The following TBX15 variants were observed in gnomAD, a reference collection of about 807,000 sequenced individuals.
TBX15 encodes the protein T-box transcription factor TBX15.
Under a neutral mutation model 53.9 loss-of-function variants are expected in TBX15, and 18 were observed. The ratio of observed to expected loss-of-function variants is 0.33; its 90% CI spans 0.23 to 0.49. TBX15 has a LOEUF of 0.49. Among genes scored for constraint, TBX15 ranks in the 20% least tolerant of loss-of-function variants. The pLI is 0.98. For synonymous variants in TBX15, 295 were observed against 278.0 expected, an observed-to-expected ratio of 1.06 and a Z score of -0.61; for missense variants, 692 against 749.5, an observed-to-expected ratio of 0.92 and a Z score of 0.90.
intron 1 of TBX15, among the ~76,000 whole-genome samples, chr1:118,970,894 T>G (rs1657216512): frequency 6.6e-6 from 1 of 152,188 alleles, no homozygotes; most frequent in Admixed American, 6.5e-5. Context: ...CCACTGCTCT[T>G]GGGAAGGAAA....
At position 118,885,013 on chromosome 1, in the gene TBX15, A is replaced by T; in HGVS notation, c.1528T>A (p.Ser510Thr). ...TACAGGTTGTAAGGGTTGTGAAGGG[A>T]GAAGGCATTGTAGGAGCTCTGCTGC... is the stretch of plus-strand genomic sequence containing the variant. The part of the protein sequence containing the change: ...HMQQSSYNAF[S>T]LHNPYNLYGY... Residue 510 changes from serine (S) to threonine (T), a missense_variant, in exon 8 of 8, where the codon TCC becomes ACC. Transcript: ENST00000369429. The T allele has an allele frequency of 3.1e-6, 5 of 1,614,134 alleles. No individual in the cohort carries two copies. Among genetic ancestry groups the T allele is most frequent in the Non-Finnish European group, 4.2e-6 (5 of 1,180,020 alleles).
intron 5 of TBX15, among the ~76,000 whole-genome samples, chr1:118,914,454 G>A (rs1329172898): frequency 2.0e-5 from 3 of 152,150 alleles, no homozygotes; most frequent in Non-Finnish European, 2.9e-5. Context: ...CAGAGTGGTG[G>A]TAAATCACTT....
chr1:118,964,624 CA>C (rs1557902163), intron 1 of TBX15, among the ~76,000 whole-genome samples: 1 of 152,230 alleles, frequency 6.6e-6, no homozygotes, highest in Non-Finnish European at 1.5e-5. Flanking sequence ...TACTCATCTA[CA>C]TATTGTAAGT....
intron 1 of TBX15, among the ~76,000 whole-genome samples, chr1:118,970,850 G>C (rs1477723005): frequency 6.6e-6 from 1 of 152,132 alleles, no homozygotes; most frequent in Non-Finnish European, 1.5e-5. Context: ...TGAGCCCTAA[G>C]CTGGGATCTC....
intron 1 of TBX15, among the ~76,000 whole-genome samples, chr1:118,935,047 C>T (rs1402791224): frequency 2.0e-5 from 3 of 152,136 alleles, no homozygotes; most frequent in Admixed American, 6.5e-5. Flanking sequence ...TTTATAGATG[C>T]TCTTTTTAAA....
chr1:118,963,861 A>T (rs1656955736), intron 1 of TBX15, among the ~76,000 whole-genome samples: 1 of 152,236 alleles, frequency 6.6e-6, no homozygotes, highest in Non-Finnish European at 1.5e-5. Context: ...ATGTTTGCAC[A>T]CTGGAGCCTG....
Position 118,919,558 on chromosome 1 carries a change from A to G in TBX15, c.861+3878T>C, listed in dbSNP as rs12077552. On this transcript the variant is annotated intron_variant, in intron 5 of 7. Transcript: ENST00000369429. The stretch of plus-strand genomic sequence containing the variant: ...ATAACATATTCCATGAAAATAGAAA[A>G]GCTCTCTTTACTACTACTTACACCC... 4.3e-3 allele frequency among the ~76,000 whole-genome samples: 656 copies of G among 152,344 alleles called. 8 individuals are homozygous for G. The highest frequency in any genetic ancestry group is 0.015 in the African/African-American group (612 of 41,590).
intron 6 of TBX15, among the ~76,000 whole-genome samples, chr1:118,906,008 A>G (rs1474130373): frequency 6.6e-6 from 1 of 152,148 alleles, no homozygotes; most frequent in Non-Finnish European, 1.5e-5. Flanking sequence ...TCTGAAAGCT[A>G]ATACCTCATG....
chr1:118,934,508 A>G (rs1282037617), intron 1 of TBX15, among the ~76,000 whole-genome samples: 1 of 152,190 alleles, frequency 6.6e-6, no homozygotes. Flanking sequence ...ACCTTAAGAA[A>G]TTTCCCAGTT....
intron 1 of TBX15, 58 bp from the exon 2 acceptor site, chr1:118,931,890 G>T (rs1655799408): frequency 2.0e-6 from 3 of 1,510,298 alleles, no homozygotes; most frequent in South Asian, 2.5e-5. Context: ...CTCACCCATG[G>T]CCCTAAAAGA....
chr1:118,953,848 T>C (rs1656597641), intron 1 of TBX15, among the ~76,000 whole-genome samples: 1 of 152,248 alleles, frequency 6.6e-6, no homozygotes, highest in African/African-American at 2.4e-5. Flanking sequence ...ATGAACAGTC[T>C]GAAATGAACA....
At chr1:118,941,075 G>A (rs568242712) in intron 1 of TBX15, among the ~76,000 whole-genome samples, 8 of 152,100 alleles carry the variant, frequency 5.3e-5, no homozygotes, top group East Asian at 1.9e-4. Context: ...TGGGTGAAGC[G>A]ATACATTATC....
In TBX15 at chr1:118,929,011, C is replaced by G. The variant is rs192999165; in HGVS notation, c.420-2400G>C. Among the ~76,000 whole-genome samples, 640 of 152,242 alleles carry G rather than the reference C, an allele frequency of 4.2e-3. 4 individuals carry two copies. The highest frequency in any genetic ancestry group is 0.015 in the African/African-American group (612 of 41,544). On this transcript the variant is annotated intron_variant, in intron 2 of 7. Coordinates refer to ENST00000369429, the MANE Select transcript of TBX15 (RefSeq NM_001330677.2). Reference sequence around the variant, plus strand: ...TTTGTCACATTTTAGCATAGAATATCAAGTGAAGTCACAACAGTCTAAAGA... The same window carrying G: ...TTTGTCACATTTTAGCATAGAATATGAAGTGAAGTCACAACAGTCTAAAGA...
intron 7 of TBX15, among the ~76,000 whole-genome samples, chr1:118,888,858 C>T (rs1557870255): frequency 6.6e-6 from 1 of 151,638 alleles, no homozygotes; most frequent in Non-Finnish European, 1.5e-5. Context: ...CTCTGATGGC[C>T]CAAGATGGAA....
In TBX15 at chr1:118,960,646, T is replaced by C. The variant is rs535012558; in HGVS notation, c.205+26945A>G. On this transcript the variant is annotated intron_variant, in intron 1 of 7. Coordinates refer to ENST00000369429, the MANE Select transcript of TBX15 (RefSeq NM_001330677.2). Reference sequence around the variant, plus strand: ...CCAGGGTAGAAAGCACAAGGTTTAATTTATAGGAGATGACACAGCCTCCCA... The same window carrying C: ...CCAGGGTAGAAAGCACAAGGTTTAACTTATAGGAGATGACACAGCCTCCCA... Among the ~76,000 whole-genome samples, 38 of 152,258 alleles carry C rather than the reference T, an allele frequency of 2.5e-4. No individual in the cohort carries two copies. The East Asian group carries it at 6.8e-3, about 27-fold the overall frequency.
At chr1:118,971,711 C>T (rs1448801525) in intron 1 of TBX15, among the ~76,000 whole-genome samples, 1 of 152,128 alleles carries the variant, frequency 6.6e-6, no homozygotes, top group Non-Finnish European at 1.5e-5. Flanking sequence ...TGTGAGTGTG[C>T]ATATATGTTT....
chr1:118,911,831 T>C (rs1489306789), intron 6 of TBX15, among the ~76,000 whole-genome samples: 3 of 152,176 alleles, frequency 2.0e-5, no homozygotes, highest in Non-Finnish European at 4.4e-5. Context: ...CCAGAGTGCA[T>C]AGTTGGTAGC....
chr1:118,963,039 G>A (rs886569228), intron 1 of TBX15, among the ~76,000 whole-genome samples: 1 of 152,118 alleles, frequency 6.6e-6, no homozygotes, highest in Non-Finnish European at 1.5e-5. Flanking sequence ...TTTCATTCAG[G>A]CTTATCATTA....
At chr1:118,892,932 T>C (rs1359627941) in intron 7 of TBX15, among the ~76,000 whole-genome samples, 1 of 152,108 alleles carries the variant, frequency 6.6e-6, no homozygotes, top group Admixed American at 6.6e-5. Context: ...TGTTGTTATC[T>C]TCACTTAAGA....
Sources: gnomAD v4.1 joint callset for allele counts (sites outside exome capture counted in the v4.1 genomes callset) on GRCh38, gnomAD v4.1.1 for gene constraint, MANE v1.5 for transcripts, NCBI Gene and HGNC (gene_info 2026-07-23, HGNC 2026-07-21) for gene names.